The following TLE4 variants were observed in gnomAD, a reference collection of about 807,000 sequenced individuals.
TLE4 encodes the protein TLE family member 4, transcriptional corepressor, also known as transducin-like enhancer protein 4.
A neutral mutation model predicts 92.8 loss-of-function variants in TLE4; 8 were observed. The observed-to-expected ratio is 0.09, with a 90% CI of 0.05 to 0.16. The LOEUF is 0.16. Among genes scored for constraint, TLE4 ranks in the 10% least tolerant of loss-of-function variants. The probability of loss-of-function intolerance (pLI) is 1.00; values close to 1 mark genes in which losing one functional copy is unlikely to be tolerated. For missense variants in TLE4, 675 were observed against 997.6 expected (o/e 0.68, Z 4.36); for synonymous variants, 371 against 374.1 (o/e 0.99, Z 0.10).
At chr9:79,645,447 G>T (rs2134024710) in intron 6 of TLE4, among the ~76,000 whole-genome samples, 1 of 152,306 alleles carries the variant, frequency 6.6e-6, no homozygotes, top group East Asian at 1.9e-4. Flanking sequence ...GTCCTTGCTG[G>T]CTCCTGCTTG....
chr9:79,681,353 G>T (rs1404013955), intron 8 of TLE4, among the ~76,000 whole-genome samples: 1 of 151,326 alleles, frequency 6.6e-6, no homozygotes, highest in African/African-American at 2.4e-5. Flanking sequence ...ATGTTTAGAT[G>T]TACAAATAAA....
chr9:79,583,169 A>G (rs1036780793), intron 4 of TLE4, among the ~76,000 whole-genome samples: 2 of 152,006 alleles, frequency 1.3e-5, no homozygotes, highest in African/African-American at 4.8e-5. Context: ...ATTGGAACTT[A>G]CCCAGCATTT....
intron 8 of TLE4, among the ~76,000 whole-genome samples, chr9:79,662,375 T>A (rs915554116): frequency 6.6e-6 from 1 of 152,230 alleles, no homozygotes; most frequent in African/African-American, 2.4e-5. Context: ...GAGAAGCCAG[T>A]AGGCTTATAT....
chr9:79,644,930 C>G (rs2057848765), intron 6 of TLE4, among the ~76,000 whole-genome samples: 2 of 152,180 alleles, frequency 1.3e-5, no homozygotes, highest in South Asian at 4.1e-4. Flanking sequence ...GACAGCCAGC[C>G]TTGAACTTAG....
intron 8 of TLE4, among the ~76,000 whole-genome samples, chr9:79,672,260 C>T (rs1169747365): frequency 6.6e-6 from 1 of 151,996 alleles, no homozygotes; most frequent in Non-Finnish European, 1.5e-5. Context: ...ACACACTGGG[C>T]ATAAGATGGT....
At chr9:79,602,025 C>T (rs2045781677) in intron 4 of TLE4, among the ~76,000 whole-genome samples, 1 of 152,164 alleles carries the variant, frequency 6.6e-6, no homozygotes, top group South Asian at 2.1e-4. Context: ...AAGCTCAAAC[C>T]AGCCATAATA....
intron 8 of TLE4, among the ~76,000 whole-genome samples, chr9:79,683,222 T>C (rs1051116062): frequency 6.6e-6 from 1 of 152,240 alleles, no homozygotes; most frequent in African/African-American, 2.4e-5. Flanking sequence ...ATTGATTCTT[T>C]CCTTCTCCAT....
chr9:79,686,125 C>A (rs1285467940), intron 8 of TLE4, among the ~76,000 whole-genome samples: 1 of 152,036 alleles, frequency 6.6e-6, no homozygotes, highest in Non-Finnish European at 1.5e-5. Context: ...GAGGATGTGT[C>A]TAGGTTATAT....
At chr9:79,723,560 C>CA (rs1428075657) in intron 19 of TLE4, among the ~76,000 whole-genome samples, 5 of 152,168 alleles carry the variant, frequency 3.3e-5, no homozygotes, top group African/African-American at 9.7e-5. Context: ...ACATAGTACA[C>CA]ATATATGCAC....
At chr9:79,600,941 G>C (rs1369706017) in intron 4 of TLE4, among the ~76,000 whole-genome samples, 2 of 151,950 alleles carry the variant, frequency 1.3e-5, no homozygotes, top group African/African-American at 4.8e-5. Flanking sequence ...TCATCAAGTT[G>C]GTTCACTCGA....
rs2075387819 is a variant in TLE4 at position 79,720,380 on chromosome 9, GTGTGTGTGTGTGTGT to G, written c.1838+88_1838+102del. The G allele has an allele frequency of 1.3e-4, 103 of 800,850 alleles. 3 individuals are homozygous for G. The highest frequency in any genetic ancestry group is 7.7e-4 in the Middle Eastern group (2 of 2,598). 49.6% of individuals were successfully genotyped at this position (800,850 alleles called of 1,614,324 possible). On this transcript the variant is annotated intron_variant, in intron 16 of 19. Transcript: ENST00000376552. ...AAGTGCTGTGTATATAGGTATGGGTGTGTGTGTGTGTGTGTGTGTGTGTGTGTGTGTGTGTGTGTG... is the reference window on the plus strand; with the variant it reads ...AAGTGCTGTGTATATAGGTATGGGTGGTGTGTGTGTGTGTGTGTGTGTGTG...
intron 9 of TLE4, among the ~76,000 whole-genome samples, chr9:79,705,183 C>T (rs1358828627): frequency 2.0e-5 from 3 of 152,200 alleles, no homozygotes; most frequent in African/African-American, 7.2e-5. Context: ...CCATTCATTT[C>T]AGAGTGGTTG....
At chr9:79,708,892 C>G in intron 13 of TLE4, 106 bp downstream of exon 13, 1 of 1,353,254 alleles carries the variant, frequency 7.4e-7, no homozygotes, top group South Asian at 1.4e-5. Flanking sequence ...AGTGCAGTGG[C>G]ATGATCTTGG....
chr9:79,628,951 AGTGCAGGTGTTG>A (rs1389872520), intron 6 of TLE4, among the ~76,000 whole-genome samples: 4 of 151,434 alleles, frequency 2.6e-5, no homozygotes, highest in Admixed American at 2.0e-4. Context: ...TGTGTGCACA[AGTGCAGGTGTTG>A]TATTCACTGT....
At chr9:79,635,168 TC>T (rs1313138130) in intron 6 of TLE4, among the ~76,000 whole-genome samples, 1 of 152,170 alleles carries the variant, frequency 6.6e-6, no homozygotes, top group Non-Finnish European at 1.5e-5. Context: ...ATTTTAGCCA[TC>T]CTAATAGGTG....
intron 1 of TLE4, chr9:79,573,304 TC>T (rs547291951): frequency 3.9e-6 from 4 of 1,030,476 alleles, no homozygotes; most frequent in South Asian, 3.6e-5. Context: ...GCCTCCCTCC[TC>T]CCCCGGCCTG....
intron 6 of TLE4, among the ~76,000 whole-genome samples, chr9:79,627,966 A>T (rs1406009456): frequency 2.6e-5 from 4 of 152,216 alleles, no homozygotes; most frequent in Non-Finnish European, 5.9e-5. Flanking sequence ...TTTTTAAAAA[A>T]ATCAGTGGCC....
At chr9:79,676,781 T>C (rs1263102333) in intron 8 of TLE4, among the ~76,000 whole-genome samples, 3 of 152,128 alleles carry the variant, frequency 2.0e-5, no homozygotes, top group Non-Finnish European at 2.9e-5. Flanking sequence ...ATGGACCCTA[T>C]GATTTATTTT....
intron 4 of TLE4, among the ~76,000 whole-genome samples, chr9:79,590,225 G>C (rs2042208785): frequency 6.6e-6 from 1 of 152,148 alleles, no homozygotes; most frequent in South Asian, 2.1e-4. Flanking sequence ...TTCTGTAGCT[G>C]CTTGTTTGCT....
Sources: gnomAD v4.1 joint callset for allele counts (sites outside exome capture counted in the v4.1 genomes callset) on GRCh38, gnomAD v4.1.1 for gene constraint, MANE v1.5 for transcripts, NCBI Gene and HGNC (gene_info 2026-07-23, HGNC 2026-07-21) for gene names.